Variants in ANKH observed in about 807,000 individuals in gnomAD.
The protein encoded by ANKH is ANKH inorganic pyrophosphate transport regulator.
ANKH carries 15 observed loss-of-function variants against 49.0 expected under a neutral mutation model. The ratio of observed to expected loss-of-function variants is 0.31; its 90% CI spans 0.20 to 0.47. The LOEUF (loss-of-function observed/expected upper bound fraction) is 0.47, where lower values mean the gene tolerates loss of function less well. Ranked by LOEUF, ANKH falls within the 20% of genes least tolerant of loss-of-function variation. ANKH has a pLI of 1.00. For missense variants in ANKH, 429 were observed against 652.0 expected (o/e 0.66, Z 3.72); for synonymous variants, 273 against 260.0 (o/e 1.05, Z -0.48).
At chr5:14,853,447 T>G (rs1447587736) in intron 1 of ANKH, among the ~76,000 whole-genome samples, 1 of 152,074 alleles carries the variant, frequency 6.6e-6, no homozygotes, top group African/African-American at 2.4e-5. Context: ...TGTGGCAGCA[T>G]GCACCTATGG....
chr5:14,798,330 C>T (rs1369483187), intron 1 of ANKH: 1 of 1,569,358 alleles, frequency 6.4e-7, no homozygotes, highest in African/African-American at 1.4e-5. Context: ...GTTCTTTTTC[C>T]ATATTTTGTA....
chr5:14,853,725 C>T (rs976440602), intron 1 of ANKH, among the ~76,000 whole-genome samples: 3 of 151,854 alleles, frequency 2.0e-5, no homozygotes, highest in Admixed American at 1.3e-4. Context: ...AGTGCAGTGG[C>T]GCGATAGAAA....
At chr5:14,778,498 C>T (rs765792538) in intron 1 of ANKH, among the ~76,000 whole-genome samples, 6 of 152,200 alleles carry the variant, frequency 3.9e-5, no homozygotes, top group Non-Finnish European at 7.3e-5. Context: ...CAAGTGCACA[C>T]TCTTGTGGCC....
In ANKH at chr5:14,871,261, C is replaced by G. The variant is rs1374967990; in HGVS notation, c.96+91G>C. On this transcript the variant is annotated intron_variant, in intron 1 of 11. Coordinates refer to ENST00000284268, the MANE Select transcript of ANKH (RefSeq NM_054027.6). ...CCAAATGTTTCAGGATAAAGAGGGA[C>G]TCGGAGCAGGTGACTCCCCTCCGCC... is the stretch of plus-strand genomic sequence containing the variant. 3 of 1,128,766 alleles carry G rather than the reference C, an allele frequency of 2.7e-6. No homozygotes were observed. In the African/African-American group the frequency reaches 4.6e-5, roughly 17 times the overall value. The allele number at this position is 1,128,766 out of a possible 1,614,324, so 69.9% of individuals were successfully genotyped here.
chr5:14,771,921 G>GAAAAAAAAA (rs869185652), intron 1 of ANKH, among the ~76,000 whole-genome samples: 15 of 53,234 alleles, frequency 2.8e-4, no homozygotes, highest in Non-Finnish European at 4.6e-4. Flanking sequence ...CTCAAAAAAA[G>GAAAAAAAAA]AAAAAAAAAA....
rs542165789 is a variant in ANKH at position 14,826,135 on chromosome 5, CA to C, written c.96+45216del. ...AATAACCATAGCATGTTTCTCTAAG[CA>C]AATAAGTTAAAGTAAACCAAAGGAT... is the stretch of plus-strand genomic sequence containing the variant. On this transcript the variant is annotated intron_variant, in intron 1 of 11. Transcript: ENST00000284268. The C allele has an allele frequency of 6.6e-4, 101 of 153,488 alleles. No individual in the cohort carries two copies. In the South Asian group the frequency reaches 0.015, roughly 22 times the overall value. The allele number at this position is 153,488 out of a possible 1,614,324, so 9.5% of individuals were successfully genotyped here.
In ANKH at chr5:14,711,134, A is replaced by C; in HGVS notation, c.*63T>G. ...GGAACAAAATACGATGGGAGAGGGAAGAGATGATGCCGAAGTGTCATCCTG... is the reference window on the plus strand; with the variant it reads ...GGAACAAAATACGATGGGAGAGGGACGAGATGATGCCGAAGTGTCATCCTG... On this transcript the variant is annotated 3_prime_UTR_variant, in exon 12 of 12. Coordinates refer to ENST00000284268, the MANE Select transcript of ANKH (RefSeq NM_054027.6). 2.4e-5 allele frequency: 31 copies of C among 1,309,870 alleles called. No individual in the cohort carries two copies. The highest frequency in any genetic ancestry group is 3.1e-5 in the Non-Finnish European group (28 of 903,146). 81.1% of individuals were successfully genotyped at this position (1,309,870 alleles called of 1,614,324 possible).
In ANKH at chr5:14,871,526, ACG is replaced by A. The variant is rs1561093289; in HGVS notation, c.-81_-80del. On this transcript the variant is annotated 5_prime_UTR_variant, in exon 1 of 12. Transcript: ENST00000284268. ...CGGGGAGGCGAGGGGCGACGGGGCG[ACG>A]GGGCGAGCGGGGCGCGGGCCGACAG... 3 of 1,064,824 alleles carry A rather than the reference ACG, an allele frequency of 2.8e-6. No individual in the cohort carries two copies. The highest frequency in any genetic ancestry group is 3.5e-5 in the African/African-American group (2 of 56,404). The allele number at this position is 1,064,824 out of a possible 1,614,324, so 66.0% of individuals were successfully genotyped here.
At chr5:14,813,347 T>C (rs749892363) in intron 1 of ANKH, among the ~76,000 whole-genome samples, 9 of 152,082 alleles carry the variant, frequency 5.9e-5, no homozygotes, top group Non-Finnish European at 1.3e-4. Flanking sequence ...GACAGGCCCA[T>C]AGATACTCAC....
intron 8 of ANKH, among the ~76,000 whole-genome samples, chr5:14,739,447 T>TTA (rs1235611119): frequency 1.3e-5 from 2 of 152,146 alleles, no homozygotes; most frequent in Admixed American, 6.5e-5. Context: ...AAATCTCCCT[T>TTA]TATATTTTTT....
rs182308128 is a variant in ANKH, at chr5:14,721,701, T to C, written c.1012-4866A>G. Among the ~76,000 whole-genome samples the C allele has an allele frequency of 1.1e-3, 161 of 151,922 alleles. 2 individuals carry two copies. In the East Asian group the frequency reaches 0.019, roughly 18 times the overall value. ...AATCCAGCACTTTGGGAGGCCAAGG[T>C]GGGAGGATCACAAGGTCAGGAGATC... On this transcript the variant is annotated intron_variant, in intron 8 of 11. Transcript: ENST00000284268.
At chr5:14,797,052 C>T (rs1740412314) in intron 1 of ANKH, 1 of 1,263,390 alleles carries the variant, frequency 7.9e-7, no homozygotes, top group African/African-American at 1.5e-5. Context: ...TGTCTCAGAA[C>T]CAGTGTTAAA....
At chr5:14,714,197 C>T (rs898516659) in intron 9 of ANKH, among the ~76,000 whole-genome samples, 13 of 152,234 alleles carry the variant, frequency 8.5e-5, no homozygotes, top group Non-Finnish European at 1.3e-4. Flanking sequence ...CCACTTCCAC[C>T]GAGGTCACTT....
intron 1 of ANKH, chr5:14,798,166 G>A: frequency 6.4e-7 from 1 of 1,565,066 alleles, no homozygotes; most frequent in Non-Finnish European, 8.8e-7. Context: ...GCTATAACAA[G>A]ATGGTTTTGT....
chr5:14,712,053 A>C (rs1056654801), intron 11 of ANKH, among the ~76,000 whole-genome samples: 3 of 152,168 alleles, frequency 2.0e-5, no homozygotes, highest in Non-Finnish European at 2.9e-5. Flanking sequence ...ATGCTCAGTA[A>C]TGACCATCAT....
At chr5:14,753,018 C>T (rs1176632784) in intron 4 of ANKH, among the ~76,000 whole-genome samples, 11 of 152,094 alleles carry the variant, frequency 7.2e-5, no homozygotes, top group East Asian at 1.9e-4. Context: ...ACAAGGGAAA[C>T]GATGCACGAG....
chr5:14,732,131 T>TGTG (rs1416295275), intron 8 of ANKH, among the ~76,000 whole-genome samples: 1 of 152,236 alleles, frequency 6.6e-6, no homozygotes. Context: ...TGGTTGTGTC[T>TGTG]GTGGTTCTAT....
intron 1 of ANKH, among the ~76,000 whole-genome samples, chr5:14,774,523 C>T (rs1197676253): frequency 3.3e-5 from 5 of 152,186 alleles, no homozygotes; most frequent in African/African-American, 7.2e-5. Context: ...CTGCAACCTC[C>T]GCCTCCCAGG....
intron 1 of ANKH, among the ~76,000 whole-genome samples, chr5:14,817,706 GACATGGCT>G (rs1397170623): frequency 6.6e-6 from 1 of 152,214 alleles, no homozygotes; most frequent in East Asian, 1.9e-4. Context: ...TGTTCCCTCT[GACATGGCT>G]ACATAACCTA....
Sources: gnomAD v4.1 joint callset for allele counts (sites outside exome capture counted in the v4.1 genomes callset) on GRCh38, gnomAD v4.1.1 for gene constraint, MANE v1.5 for transcripts, NCBI Gene and HGNC (gene_info 2026-07-23, HGNC 2026-07-21) for gene names.